AP3B1: variants seen among roughly 807,000 people sequenced by gnomAD.
AP3B1 encodes the protein AP-3 complex subunit beta-1.
A neutral mutation model predicts 132.5 loss-of-function variants in AP3B1; 61 were observed. The observed-to-expected ratio is 0.46, with a 90% CI of 0.37 to 0.57. The LOEUF (loss-of-function observed/expected upper bound fraction) is 0.57, where lower values mean the gene tolerates loss of function less well. Ranked by LOEUF, AP3B1 falls within the 20% of genes least tolerant of loss-of-function variation. AP3B1 has a pLI of 0.00. For synonymous variants in AP3B1, 388 were observed against 438.3 expected (o/e 0.89, Z 1.43); for missense variants, 1,120 against 1,289.4 (o/e 0.87, Z 2.01).
rs746152289 is a variant in AP3B1, at chr5:78,015,487, A to G, written c.3054T>C (p.Thr1018=). Residue 1018 remains threonine (T), a synonymous_variant, in exon 26 of 27, where the codon ACT becomes ACC. Coordinates refer to ENST00000255194, the MANE Select transcript of AP3B1 (RefSeq NM_003664.5). ...AVIIAAPQNF[T]PSVIFQKVVN... is the part of the protein sequence containing the mutation. ...CAACCTTCTGAAAGATCACAGAGGG[A>G]GTGAAATTCTGTGGTGCAGCAATGA... 42 of 1,613,616 alleles carry G rather than the reference A, an allele frequency of 2.6e-5. No individual in the cohort carries two copies. In the Admixed American group the frequency reaches 6.7e-4, roughly 26 times the overall value.
chr5:78,143,733 G>T (rs1261665967), intron 14 of AP3B1, among the ~76,000 whole-genome samples: 1 of 152,126 alleles, frequency 6.6e-6, no homozygotes, highest in African/African-American at 2.4e-5. Context: ...CTTTTTAGAG[G>T]CCAGGCACAG....
chr5:78,213,034 T>C lies in AP3B1; in HGVS notation c.786+3021A>G, dbSNP rs548882367. ...CTGGGACTACAGGTGCCCGCCACCGTGCCCGGCTAATTTTTTTTGTATTTT... is the reference window on the plus strand; with the variant it reads ...CTGGGACTACAGGTGCCCGCCACCGCGCCCGGCTAATTTTTTTTGTATTTT... On this transcript the variant is annotated intron_variant, in intron 7 of 26. Coordinates refer to ENST00000255194, the MANE Select transcript of AP3B1 (RefSeq NM_003664.5). 1.6e-4 allele frequency among the ~76,000 whole-genome samples: 25 copies of C among 152,012 alleles called. No homozygotes were observed. The East Asian group carries it at 3.9e-3, about 24-fold the overall frequency.
At chr5:78,138,906 G>A (rs1010543327) in intron 15 of AP3B1, among the ~76,000 whole-genome samples, 1 of 141,116 alleles carries the variant, frequency 7.1e-6, no homozygotes, top group African/African-American at 2.7e-5. Flanking sequence ...GGAGGTAGAG[G>A]TTGCAGTGAG....
At chr5:78,279,867 A>T (rs1016576172) in intron 1 of AP3B1, among the ~76,000 whole-genome samples, 21 of 102,836 alleles carry the variant, frequency 2.0e-4, no homozygotes, top group African/African-American at 5.3e-4. Flanking sequence ...ATAGGACTTA[A>T]ATATATATAT....
At chr5:78,193,768 A>T (rs865918292) in intron 7 of AP3B1, among the ~76,000 whole-genome samples, 3,579 of 66,586 alleles carry the variant, frequency 0.054, 206 homozygotes, top group African/African-American at 0.19. Flanking sequence ...ATATATATAT[A>T]TATTTTTTTT....
At chr5:78,184,552 G>A (rs1744518485) in intron 7 of AP3B1, among the ~76,000 whole-genome samples, 6 of 148,918 alleles carry the variant, frequency 4.0e-5, no homozygotes, top group Admixed American at 4.0e-4. Flanking sequence ...GCCAGGCATG[G>A]TGGTGGGTGC....
At chr5:78,057,076 G>C (rs987037815) in intron 22 of AP3B1, among the ~76,000 whole-genome samples, 1 of 152,070 alleles carries the variant, frequency 6.6e-6, no homozygotes, top group Non-Finnish European at 1.5e-5. Context: ...AGTACTTTTT[G>C]TTTGTTTTCC....
chr5:78,144,079 T>G (rs779032869), intron 14 of AP3B1, among the ~76,000 whole-genome samples: 1 of 151,946 alleles, frequency 6.6e-6, no homozygotes, highest in Non-Finnish European at 1.5e-5. Flanking sequence ...ATAGGAACAC[T>G]GAAATAAAAC....
At chr5:78,212,185 C>T (rs185710991) in intron 7 of AP3B1, among the ~76,000 whole-genome samples, 1 of 152,230 alleles carries the variant, frequency 6.6e-6, no homozygotes, top group Non-Finnish European at 1.5e-5. Flanking sequence ...GAGGTTGAGG[C>T]AGACGAATCG....
intron 6 of AP3B1, among the ~76,000 whole-genome samples, chr5:78,220,010 G>C (rs1746113455): frequency 6.6e-6 from 1 of 152,006 alleles, no homozygotes; most frequent in South Asian, 2.1e-4. Context: ...TTTTTTAAAT[G>C]AAAGTGATTT....
chr5:78,222,269 G>C (rs1344336637), intron 6 of AP3B1: 2 of 153,720 alleles, frequency 1.3e-5, no homozygotes, highest in African/African-American at 2.4e-5. Context: ...GAACCGGAGG[G>C]AGAAGCAGGC....
At chr5:78,167,536 C>G (rs1388492467) in intron 11 of AP3B1, among the ~76,000 whole-genome samples, 1 of 152,102 alleles carries the variant, frequency 6.6e-6, no homozygotes, top group African/African-American at 2.4e-5. Context: ...GATACTTGCA[C>G]ACACGTTTAT....
chr5:78,239,932 A>T (rs574305535), intron 3 of AP3B1, among the ~76,000 whole-genome samples: 3 of 152,230 alleles, frequency 2.0e-5, no homozygotes, highest in Non-Finnish European at 2.9e-5. Context: ...TGGCAAGAAT[A>T]CTTTGAACAT....
At chr5:78,067,409 G>C (rs181824385) in intron 22 of AP3B1, among the ~76,000 whole-genome samples, 382 of 152,232 alleles carry the variant, frequency 2.5e-3, no homozygotes, top group African/African-American at 8.9e-3. Context: ...CTCAGCTCCG[G>C]ATCAAGTGGA....
intron 7 of AP3B1, among the ~76,000 whole-genome samples, chr5:78,183,867 T>TAAAAA (rs899886034): frequency 9.8e-5 from 7 of 71,550 alleles, no homozygotes; most frequent in African/African-American, 4.2e-4. Context: ...AATTCCATCT[T>TAAAAA]AAAAAAAAAA....
chr5:78,174,158 C>T (rs567364373), intron 11 of AP3B1, among the ~76,000 whole-genome samples: 54 of 152,230 alleles, frequency 3.5e-4, no homozygotes, highest in Non-Finnish European at 6.2e-4. Flanking sequence ...AAGTTTGTTA[C>T]TACCGACCTT....
At chr5:78,170,367 C>G (rs1001952669) in intron 11 of AP3B1, among the ~76,000 whole-genome samples, 2 of 152,132 alleles carry the variant, frequency 1.3e-5, no homozygotes, top group African/African-American at 4.8e-5. Context: ...GTTTACAGTC[C>G]CACCAACAGT....
intron 3 of AP3B1, among the ~76,000 whole-genome samples, chr5:78,238,392 A>T (rs1302274953): frequency 6.6e-6 from 1 of 152,200 alleles, no homozygotes; most frequent in East Asian, 1.9e-4. Context: ...TAATAATAGA[A>T]ATAAAGTGCA....
chr5:78,071,022 C>A (rs1249192494), intron 22 of AP3B1, among the ~76,000 whole-genome samples: 1 of 152,138 alleles, frequency 6.6e-6, no homozygotes, highest in African/African-American at 2.4e-5. Flanking sequence ...GATCTAGAGG[C>A]AGAAATACCA....
Sources: allele counts gnomAD v4.1 joint callset (sites outside exome capture counted in the v4.1 genomes callset), GRCh38; gene constraint gnomAD v4.1.1; transcripts MANE v1.5; gene names NCBI Gene and HGNC (gene_info 2026-07-23, HGNC 2026-07-21).